The following ADAMTS18 variants were observed in gnomAD, a reference collection of about 807,000 sequenced individuals.
ADAMTS18 encodes ADAM metallopeptidase with thrombospondin type 1 motif 18.
In ADAMTS18, 157 loss-of-function variants were observed where a neutral mutation model predicts 165.9. That is an observed-to-expected ratio of 0.95 (90% CI 0.83 to 1.08). ADAMTS18 has a LOEUF of 1.08. ADAMTS18 is among the 50% of genes least tolerant of loss of function. The pLI, the probability that ADAMTS18 is intolerant of heterozygous loss-of-function variation, is 0.00. For missense variants in ADAMTS18, 2,040 were observed against 1,534.0 expected (o/e 1.33, Z -5.51); for synonymous variants, 782 against 578.2 (o/e 1.35, Z -5.06).
intron 3 of ADAMTS18, among the ~76,000 whole-genome samples, chr16:77,380,149 T>C (rs2057010849): frequency 6.6e-6 from 1 of 152,214 alleles, no homozygotes; most frequent in South Asian, 2.1e-4. Context: ...ATCCTTTCAC[T>C]TTACTCACTA....
intron 14 of ADAMTS18, 70 bp from the exon 15 acceptor site, chr16:77,321,272 G>C: frequency 6.3e-7 from 1 of 1,586,726 alleles, no homozygotes; most frequent in Non-Finnish European, 8.6e-7. Flanking sequence ...TAATTAAGAG[G>C]TATATGGTTC....
rs79267794 is a variant in ADAMTS18 at position 77,398,993 on chromosome 16, G to A, written c.496-31270C>T. ...AGGTATGTAGAAATAGAACTGACAT[G>A]ATCCTGTTCAGTGGCCATCAGCATC... On this transcript the variant is annotated intron_variant, in intron 3 of 22. Transcript: ENST00000282849. Among the ~76,000 whole-genome samples the A allele has an allele frequency of 8.5e-4, 130 of 152,306 alleles. 2 individuals carry two copies. In the East Asian group the frequency reaches 0.024, roughly 28 times the overall value.
chr16:77,415,378 A>C (rs1047456954), intron 3 of ADAMTS18, among the ~76,000 whole-genome samples: 3 of 152,222 alleles, frequency 2.0e-5, no homozygotes, highest in African/African-American at 4.8e-5. Context: ...GGGTTTATGC[A>C]TAAGATACCC....
At chr16:77,409,661 C>G (rs1465388968) in intron 3 of ADAMTS18, among the ~76,000 whole-genome samples, 1 of 152,092 alleles carries the variant, frequency 6.6e-6, no homozygotes, top group East Asian at 1.9e-4. Context: ...TTATGGTGAA[C>G]CACTCTGACG....
Position 77,319,905 on chromosome 16 carries a change from T to A in ADAMTS18, c.2476A>T (p.Asn826Tyr), listed in dbSNP as rs143047414. 1 of 1,614,046 alleles carries A rather than the reference T, an allele frequency of 6.2e-7. No homozygotes were observed. Among genetic ancestry groups the A allele is most frequent in the Non-Finnish European group, 8.5e-7 (1 of 1,179,950 alleles). The change falls in exon 16 of 23, where the codon AAC (asparagine) becomes TAC (tyrosine). Residue 826 changes from asparagine to tyrosine, a missense_variant. Asn to Tyr is a moderately radical substitution (Grantham distance 143). Transcript: ENST00000282849. ...GTTFEYQRSF[N>Y]RPERLYAPGP... ...GGCGCGTACAGACGTTCCGGGCGGT[T>A]GAAAGAGCGCTGGTATTCAAACGTG...
chr16:77,338,298 C>T (rs960826875), intron 11 of ADAMTS18, among the ~76,000 whole-genome samples: 15 of 152,016 alleles, frequency 9.9e-5, no homozygotes, highest in Non-Finnish European at 1.9e-4. Flanking sequence ...TGCAGTGGCA[C>T]GATCTTGGCA....
intron 3 of ADAMTS18, among the ~76,000 whole-genome samples, chr16:77,410,302 A>T (rs964348084): frequency 6.6e-6 from 1 of 151,980 alleles, no homozygotes; most frequent in Non-Finnish European, 1.5e-5. Context: ...GAAAAAAAAA[A>T]AAAAATTCCT....
rs150292093 is a variant in ADAMTS18 at position 77,282,642 on chromosome 16, A to G, written c.*1314T>C. ...GAAGTTGAGGAATAAAGTAGAATTT[A>G]TGTAAATATGCCCTTTATAACCACT... On this transcript the variant is annotated 3_prime_UTR_variant, in exon 23 of 23. Coordinates refer to ENST00000282849, the MANE Select transcript of ADAMTS18 (RefSeq NM_199355.4). 5 of 152,774 alleles carry G rather than the reference A, an allele frequency of 3.3e-5. No individual in the cohort carries two copies. Among genetic ancestry groups the G allele is most frequent in the African/African-American group, 1.2e-4 (5 of 41,588 alleles). 9.5% of individuals were successfully genotyped at this position (152,774 alleles called of 1,614,324 possible). A position where few individuals can be genotyped will look rare whatever the true frequency, so the allele number is the denominator to read the frequency against.
chr16:77,389,934 T>C (rs1034618722), intron 3 of ADAMTS18, among the ~76,000 whole-genome samples: 3 of 152,182 alleles, frequency 2.0e-5, no homozygotes, highest in Admixed American at 2.0e-4. Context: ...CACATGTGAT[T>C]CAAAATAAAA....
chr16:77,288,685 T>G (rs763258739), intron 22 of ADAMTS18, among the ~76,000 whole-genome samples: 7 of 152,226 alleles, frequency 4.6e-5, no homozygotes, highest in Non-Finnish European at 8.8e-5. Flanking sequence ...TGGATTATAG[T>G]TGTCTCCTCC....
chr16:77,291,094 G>T (rs2055353256), intron 21 of ADAMTS18, among the ~76,000 whole-genome samples, 172 bp downstream of exon 21: 1 of 149,822 alleles, frequency 6.7e-6, no homozygotes, highest in Non-Finnish European at 1.5e-5. Flanking sequence ...GAGGTTTACA[G>T]ATTGTTACCT....
chr16:77,363,714 T>G (rs1290662939), intron 6 of ADAMTS18, 88 bp downstream of exon 6: 10 of 1,228,690 alleles, frequency 8.1e-6, no homozygotes, highest in Non-Finnish European at 1.1e-5. Context: ...TAACGACTAG[T>G]ACATGGATTA....
intron 3 of ADAMTS18, among the ~76,000 whole-genome samples, chr16:77,380,331 C>A (rs978341836): frequency 6.6e-6 from 1 of 152,178 alleles, no homozygotes; most frequent in African/African-American, 2.4e-5. Context: ...ATATTAATAA[C>A]ATATTGATGA....
chr16:77,401,011 T>G (rs1358620771), intron 3 of ADAMTS18, among the ~76,000 whole-genome samples: 1 of 151,908 alleles, frequency 6.6e-6, no homozygotes, highest in Non-Finnish European at 1.5e-5. Context: ...ATTCTAGCAC[T>G]TTGGGAGGCT....
At chr16:77,341,074 A>G (rs1298667725) in intron 11 of ADAMTS18, among the ~76,000 whole-genome samples, 1 of 151,986 alleles carries the variant, frequency 6.6e-6, no homozygotes, top group Non-Finnish European at 1.5e-5. Context: ...CTCCCTCCAG[A>G]CTCTATTGAG....
intron 19 of ADAMTS18, 56 bp from the exon 20 acceptor site, chr16:77,293,314 T>TAA (rs67517591): frequency 5.5e-3 from 6,242 of 1,135,404 alleles, no homozygotes; most frequent in Admixed American, 0.013. Context: ...GTAGCCACAT[T>TAA]AAAAAAAAAA....
chr16:77,293,240 G>C lies in ADAMTS18; in HGVS notation c.3025C>G (p.Arg1009Gly). The C allele has an allele frequency of 5.0e-6, 8 of 1,613,078 alleles. No homozygotes were observed. Among genetic ancestry groups the C allele is most frequent in the Non-Finnish European group, 6.8e-6 (8 of 1,179,810 alleles). The change falls in exon 20 of 23, where the codon CGA (arginine) becomes GGA (glycine). Residue 1009 changes from arginine to glycine, a missense_variant. Coordinates refer to ENST00000282849, the MANE Select transcript of ADAMTS18 (RefSeq NM_199355.4). Reference protein sequence around the residue: ...PWSQCSKTCGRGVRKRELLCK... With the variant: ...PWSQCSKTCGGGVRKRELLCK... ...AGGAGTTCACGCTTCCTCACCCCTC[G>C]TCCACAGGTCTTGGAACACTTGAGA...
intron 19 of ADAMTS18, among the ~76,000 whole-genome samples, chr16:77,293,821 C>T (rs944798460): frequency 2.7e-5 from 4 of 150,410 alleles, no homozygotes; most frequent in Admixed American, 2.0e-4. Flanking sequence ...GAGAACCTAA[C>T]GCTGCCACTG....
chr16:77,350,438 T>C (rs977852974), intron 10 of ADAMTS18, among the ~76,000 whole-genome samples: 1 of 152,206 alleles, frequency 6.6e-6, no homozygotes. Context: ...AACCGTATTG[T>C]TTATCAAGTG....
Sources: gnomAD v4.1 joint callset for allele counts (sites outside exome capture counted in the v4.1 genomes callset) on GRCh38, gnomAD v4.1.1 for gene constraint, MANE v1.5 for transcripts, NCBI Gene and HGNC (gene_info 2026-07-23, HGNC 2026-07-21) for gene names.